Variants in CACNA1C observed in about 807,000 individuals in gnomAD.
The protein encoded by CACNA1C is voltage-dependent L-type calcium channel subunit alpha-1C.
Under a neutral mutation model 229.0 loss-of-function variants are expected in CACNA1C, and 30 were observed. The ratio of observed to expected loss-of-function variants is 0.13; its 90% CI spans 0.10 to 0.18. The LOEUF (loss-of-function observed/expected upper bound fraction) is 0.18, where lower values mean the gene tolerates loss of function less well. Among genes scored for constraint, CACNA1C ranks in the 10% least tolerant of loss-of-function variants. The pLI, the probability that CACNA1C is intolerant of heterozygous loss-of-function variation, is 1.00. For missense variants in CACNA1C, 1,658 were observed against 2,845.0 expected, an observed-to-expected ratio of 0.58 and a Z score of 9.49; for synonymous variants, 1,114 against 1,132.5, an observed-to-expected ratio of 0.98 and a Z score of 0.33.
intron 1 of CACNA1C, among the ~76,000 whole-genome samples, chr12:2,099,378 C>T (rs1243237521): frequency 2.6e-5 from 4 of 152,006 alleles, no homozygotes; most frequent in Non-Finnish European, 5.9e-5. Context: ...AGACGGCTGC[C>T]GAGAGGTGTG....
At position 2,491,662 on chromosome 12, in the gene CACNA1C, G is replaced by A. The variant is rs971859285; in HGVS notation, c.917-1528G>A. 2.0e-5 allele frequency among the ~76,000 whole-genome samples: 3 copies of A among 152,108 alleles called. No homozygotes were observed. In the East Asian group the frequency reaches 5.8e-4, roughly 29 times the overall value. On this transcript the variant is annotated intron_variant, in intron 6 of 46. Coordinates refer to ENST00000399655, the MANE Select transcript of CACNA1C (RefSeq NM_000719.7). Reference sequence around the variant, plus strand: ...AGGAGGAGGAGGAGGAAGAGGAGGAGGAGGAGGAGCTGCCACTGCTGCTGG... The same window carrying A: ...AGGAGGAGGAGGAGGAAGAGGAGGAAGAGGAGGAGCTGCCACTGCTGCTGG...
At chr12:2,264,930 C>T (rs1778560233) in intron 3 of CACNA1C, among the ~76,000 whole-genome samples, 1 of 152,222 alleles carries the variant, frequency 6.6e-6, no homozygotes, top group Admixed American at 6.5e-5. Flanking sequence ...TGCGTTGGCT[C>T]CTTTCACTCT....
chr12:2,228,388 G>C (rs2063664447), intron 3 of CACNA1C, among the ~76,000 whole-genome samples: 1 of 152,136 alleles, frequency 6.6e-6, no homozygotes, highest in South Asian at 2.1e-4. Flanking sequence ...ACTTGCCCAG[G>C]TCTTAAACTC....
chr12:2,197,697 G>T lies in CACNA1C; in HGVS notation c.477+77267G>T, dbSNP rs1392680979. On this transcript the variant is annotated intron_variant, in intron 3 of 46. Transcript: ENST00000399655. Reference sequence around the variant, plus strand: ...CCTCCAAAAACATCCAGAGAAGTGAGATTTTCTCACATTTAAGTCAATGAT... The same window carrying T: ...CCTCCAAAAACATCCAGAGAAGTGATATTTTCTCACATTTAAGTCAATGAT... 3.3e-5 allele frequency among the ~76,000 whole-genome samples: 5 copies of T among 152,192 alleles called. No individual in the cohort carries two copies. The South Asian group carries it at 1.0e-3, about 32-fold the overall frequency.
intron 3 of CACNA1C, among the ~76,000 whole-genome samples, chr12:2,126,427 C>T (rs374454707): frequency 6.6e-6 from 1 of 152,232 alleles, no homozygotes; most frequent in Non-Finnish European, 1.5e-5. Flanking sequence ...GCTCTGCAAG[C>T]GGAGCCGACT....
At chr12:2,151,790 A>G (rs2154215765) in intron 3 of CACNA1C, among the ~76,000 whole-genome samples, 1 of 152,274 alleles carries the variant, frequency 6.6e-6, no homozygotes, top group Non-Finnish European at 1.5e-5. Flanking sequence ...CCTCCATCCC[A>G]AATACATAGG....
intron 5 of CACNA1C, among the ~76,000 whole-genome samples, chr12:2,472,210 A>G (rs2099597253): frequency 6.6e-6 from 1 of 151,880 alleles, no homozygotes; most frequent in Non-Finnish European, 1.5e-5. Flanking sequence ...TTTGTACTCC[A>G]TTCTCACTCT....
chr12:2,135,485 G>A (rs1355955552), intron 3 of CACNA1C, among the ~76,000 whole-genome samples: 2 of 134,878 alleles, frequency 1.5e-5, no homozygotes, highest in Non-Finnish European at 3.1e-5. Flanking sequence ...ATGGGTTTTT[G>A]GTGTGGATGT....
rs371361903 is a variant in CACNA1C, at chr12:2,633,939, C to T, written c.3829-358C>T. 5.1e-4 allele frequency among the ~76,000 whole-genome samples: 78 copies of T among 152,298 alleles called. No homozygotes were observed. Among genetic ancestry groups the T allele is most frequent in the Non-Finnish European group, 6.2e-4 (42 of 68,036 alleles). ...TTCCATTTACCTCAGCTCTGCCCGG[C>T]GCTGCCGGGCTGGGGCGTGGAGCTG... On this transcript the variant is annotated intron_variant, in intron 29 of 46. Coordinates refer to ENST00000399655, the MANE Select transcript of CACNA1C (RefSeq NM_000719.7). This position sits in a 1 kb window ranked among gnomAD's most constrained non-coding sequence, Gnocchi z 5.8.
chr12:2,606,786 G>A (rs530454136), intron 25 of CACNA1C, 123 bp downstream of exon 25: 1 of 961,096 alleles, frequency 1.0e-6, no homozygotes, highest in Non-Finnish European at 1.6e-6. Context: ...CTCTGCCTGT[G>A]TGTCATCTGG....
In CACNA1C at chr12:2,606,532, A is replaced by G. The variant is rs936613884; in HGVS notation, c.3157-79A>G. On this transcript the variant is annotated intron_variant, in intron 24 of 46. Coordinates refer to ENST00000399655, the MANE Select transcript of CACNA1C (RefSeq NM_000719.7). ...ACTGTCCCTAGCACAGTGCTGGGCT[A>G]TGGAGATGCTCACTAATTGCTTTTG... is the stretch of plus-strand genomic sequence containing the variant. 14 of 1,152,970 alleles carry G rather than the reference A, an allele frequency of 1.2e-5. No homozygotes were observed. In the African/African-American group the frequency reaches 2.0e-4, roughly 16 times the overall value. The allele number at this position is 1,152,970 out of a possible 1,614,324, so 71.4% of individuals were successfully genotyped here. A position where few individuals can be genotyped will look rare whatever the true frequency, so the allele number is the denominator to read the frequency against.
chr12:2,360,715 C>T (rs1487527555), intron 3 of CACNA1C, among the ~76,000 whole-genome samples: 1 of 152,240 alleles, frequency 6.6e-6, no homozygotes, highest in East Asian at 1.9e-4. Flanking sequence ...ACTGGACAGT[C>T]TCTGAGGTCC....
At chr12:2,430,734 G>A (rs1442070406) in intron 3 of CACNA1C, among the ~76,000 whole-genome samples, 1 of 152,182 alleles carries the variant, frequency 6.6e-6, no homozygotes, top group Non-Finnish European at 1.5e-5. Flanking sequence ...GGATCTGGAT[G>A]TGGAGGTCTC....
chr12:2,279,858 A>T (rs1438214256), intron 3 of CACNA1C, among the ~76,000 whole-genome samples: 1 of 152,258 alleles, frequency 6.6e-6, no homozygotes, highest in Non-Finnish European at 1.5e-5. Flanking sequence ...GATAGGTTAT[A>T]TGCAAATATC....
rs776659021 is a variant in CACNA1C at position 2,651,796 on chromosome 12, G to A, written c.4074+28G>A. On this transcript the variant is annotated intron_variant, in intron 32 of 46. Transcript: ENST00000399655. This position sits in a 1 kb window ranked among gnomAD's most constrained non-coding sequence, Gnocchi z 5.4. ...AGCCGCCCCTCATGTCCTGCGGCCCGGGGAATCGCAGGGCTGCCGCGTGGC... is the reference window on the plus strand; with the variant it reads ...AGCCGCCCCTCATGTCCTGCGGCCCAGGGAATCGCAGGGCTGCCGCGTGGC... The A allele has an allele frequency of 2.9e-5, 44 of 1,537,464 alleles. No individual in the cohort carries two copies. Among genetic ancestry groups the A allele is most frequent in the Middle Eastern group, 1.7e-4 (1 of 5,764 alleles).
chr12:2,122,530 C>T (rs779662144), intron 3 of CACNA1C, among the ~76,000 whole-genome samples: 4 of 151,916 alleles, frequency 2.6e-5, no homozygotes, highest in Non-Finnish European at 4.4e-5. Flanking sequence ...TGCTGTGACC[C>T]GGCCTCCCGG....
chr12:2,638,837 C>T (rs957553234), intron 30 of CACNA1C, among the ~76,000 whole-genome samples: 1 of 152,076 alleles, frequency 6.6e-6, no homozygotes, highest in Non-Finnish European at 1.5e-5. Flanking sequence ...TTAGGAAATG[C>T]CAGAGCACAG....
intron 3 of CACNA1C, among the ~76,000 whole-genome samples, chr12:2,128,774 T>C (rs1033748331): frequency 2.0e-5 from 3 of 152,234 alleles, no homozygotes; most frequent in East Asian, 1.9e-4. Context: ...ACACTACTTA[T>C]GACTTCACAC....
At chr12:2,452,457 A>G (rs2099387690) in intron 4 of CACNA1C, among the ~76,000 whole-genome samples, 1 of 152,078 alleles carries the variant, frequency 6.6e-6, no homozygotes, top group South Asian at 2.1e-4. Context: ...TCTGGGCCTC[A>G]CGATCATTCC....
Sources: gnomAD v4.1 joint callset for allele counts (sites outside exome capture counted in the v4.1 genomes callset) on GRCh38, gnomAD v4.1.1 for gene constraint, Gnocchi (gnomAD v3.1) non-coding constraint, MANE v1.5 for transcripts, NCBI Gene and HGNC (gene_info 2026-07-23, HGNC 2026-07-21) for gene names.